The following C12orf42 variants were observed in gnomAD, a reference collection of about 807,000 sequenced individuals.
C12orf42 encodes the protein chromosome 12 open reading frame 42, also known as uncharacterized protein C12orf42.
In C12orf42, 25 loss-of-function variants were observed where a neutral mutation model predicts 21.6. That is an observed-to-expected ratio of 1.16 (90% confidence interval 0.84 to 1.62). C12orf42 has a LOEUF of 1.62. Ranked by LOEUF, C12orf42 falls within the 40% of genes most tolerant of loss-of-function variation. The probability of loss-of-function intolerance (pLI) is 0.00; values close to 1 mark genes in which losing one functional copy is unlikely to be tolerated. For synonymous variants in C12orf42, 174 were observed against 175.0 expected (o/e 0.99, Z 0.05); for missense variants, 483 against 459.3 (o/e 1.05, Z -0.47).
chr12:103,088,737 C>T, the C12orf42 span, among the ~76,000 whole-genome samples: 15 of 152,292 alleles, frequency 9.8e-5, no homozygotes, highest in Middle Eastern at 3.4e-3. Context: ...GTCACTTGCT[C>T]TGGGGGAAGC....
intron 10 of C12orf42, among the ~76,000 whole-genome samples, chr12:103,241,767 A>C (rs1426473186): frequency 1.3e-5 from 2 of 152,186 alleles, no homozygotes; most frequent in Non-Finnish European, 2.9e-5. Context: ...AGAGGCACAG[A>C]CAACATGGCT....
chr12:103,360,774 T>C (rs1049716536), intron 4 of C12orf42, among the ~76,000 whole-genome samples: 3 of 152,160 alleles, frequency 2.0e-5, no homozygotes, highest in African/African-American at 7.2e-5. Context: ...CAACTTTTAA[T>C]ATGTGCCATC....
At chr12:103,140,184 A>G in the C12orf42 span, among the ~76,000 whole-genome samples, 2 of 152,188 alleles carry the variant, frequency 1.3e-5, no homozygotes, top group Non-Finnish European at 1.5e-5. Flanking sequence ...CTCTTCCTCC[A>G]TGGAATTCTT....
intron 2 of C12orf42, among the ~76,000 whole-genome samples, chr12:103,455,962 T>C (rs1480724200): frequency 6.6e-6 from 1 of 152,036 alleles, no homozygotes; most frequent in Admixed American, 6.6e-5. Context: ...GACACAGAAC[T>C]CTCACAGAAC....
At chr12:103,183,504 T>G in the C12orf42 span, among the ~76,000 whole-genome samples, 1 of 152,242 alleles carries the variant, frequency 6.6e-6, no homozygotes, top group Non-Finnish European at 1.5e-5. Context: ...TGTATCATTT[T>G]TTTTTGAATA....
downstream of C12orf42, among the ~76,000 whole-genome samples, chr12:103,266,787 C>T (rs981966087): frequency 6.6e-6 from 1 of 151,948 alleles, no homozygotes; most frequent in African/African-American, 2.4e-5. Flanking sequence ...ATTTTGTGAG[C>T]AGGTGGGGAG....
chr12:103,152,466 C>T, the C12orf42 span, among the ~76,000 whole-genome samples: 1 of 151,960 alleles, frequency 6.6e-6, no homozygotes, highest in African/African-American at 2.4e-5. Flanking sequence ...ACGGTACTGG[C>T]CATCCTAGCA....
At chr12:103,164,665 T>C in the C12orf42 span, 1 of 449,972 alleles carries the variant, frequency 2.2e-6, no homozygotes, top group Non-Finnish European at 4.5e-6. Context: ...CTGTGTTACT[T>C]TTGTAAACCT....
At chr12:103,225,307 G>A in the C12orf42 span, among the ~76,000 whole-genome samples, 2 of 152,146 alleles carry the variant, frequency 1.3e-5, no homozygotes, top group Non-Finnish European at 2.9e-5. Flanking sequence ...TCTGGTTTTA[G>A]GACAGGTAAA....
the C12orf42 span, among the ~76,000 whole-genome samples, chr12:103,538,067 T>C: frequency 6.6e-6 from 1 of 152,148 alleles, no homozygotes; most frequent in African/African-American, 2.4e-5. Context: ...GTCTTAGAAG[T>C]ATTTAGTAGA....
intron 3 of C12orf42, among the ~76,000 whole-genome samples, chr12:103,375,460 G>A (rs1566184607): frequency 3.9e-5 from 6 of 152,116 alleles, no homozygotes. Flanking sequence ...AAAATGATTT[G>A]CAATCTTAAA....
intron 4 of C12orf42, among the ~76,000 whole-genome samples, chr12:103,292,685 A>G (rs2036900569): frequency 6.6e-6 from 1 of 152,098 alleles, no homozygotes; most frequent in Admixed American, 6.6e-5. Context: ...GCTTTAGAAA[A>G]GAGTATTGCT....
At chr12:103,470,257 G>A (rs1953486751) in intron 2 of C12orf42, among the ~76,000 whole-genome samples, 2 of 152,188 alleles carry the variant, frequency 1.3e-5, no homozygotes, top group African/African-American at 4.8e-5. Context: ...TGGTGGTCCT[G>A]ACATCTGGCA....
chr12:103,298,040 G>A (rs531564567), downstream of C12orf42, among the ~76,000 whole-genome samples: 1 of 151,878 alleles, frequency 6.6e-6, no homozygotes, highest in Admixed American at 6.6e-5. Flanking sequence ...TTTGAAAACT[G>A]GCACAAAACA....
chr12:103,539,769 C>T, the C12orf42 span, among the ~76,000 whole-genome samples: 1 of 151,722 alleles, frequency 6.6e-6, no homozygotes, highest in Non-Finnish European at 1.5e-5. Flanking sequence ...TTAGTAGAGA[C>T]GGGGTTTCAC....
At chr12:103,187,435 G>A in the C12orf42 span, among the ~76,000 whole-genome samples, 1 of 152,156 alleles carries the variant, frequency 6.6e-6, no homozygotes, top group East Asian at 1.9e-4. Context: ...TTACTACCAA[G>A]CTAAGCTGTA....
intron 3 of C12orf42, among the ~76,000 whole-genome samples, chr12:103,384,813 G>A (rs2046470545): frequency 6.6e-6 from 1 of 152,164 alleles, no homozygotes; most frequent in South Asian, 2.1e-4. Flanking sequence ...AACAATTAGA[G>A]CCTCAGGGTT....
chr12:103,226,884 G>A, the C12orf42 span, among the ~76,000 whole-genome samples: 1 of 152,282 alleles, frequency 6.6e-6, no homozygotes, highest in African/African-American at 2.4e-5. Context: ...ACTAGGAAGG[G>A]ACTGATGTGT....
At chr12:103,065,228 G>T in the C12orf42 span, among the ~76,000 whole-genome samples, 1 of 152,188 alleles carries the variant, frequency 6.6e-6, no homozygotes. Context: ...GAAAATAGAT[G>T]GATCTTGGAG....
Sources: gnomAD v4.1 joint callset for allele counts (sites outside exome capture counted in the v4.1 genomes callset) on GRCh38, gnomAD v4.1.1 for gene constraint, MANE v1.5 for transcripts, NCBI Gene and HGNC (gene_info 2026-07-23, HGNC 2026-07-21) for gene names.